NACC2: variants seen among roughly 807,000 people sequenced by gnomAD.
The protein encoded by NACC2 is nucleus accumbens-associated protein 2.
NACC2 carries 8 observed loss-of-function variants against 25.1 expected under a neutral mutation model. The ratio of observed to expected loss-of-function variants is 0.32; its 90% CI spans 0.19 to 0.57. The LOEUF (loss-of-function observed/expected upper bound fraction) is 0.57. Ranked by LOEUF, NACC2 falls within the 20% of genes least tolerant of loss-of-function variation. The pLI, the probability that NACC2 is intolerant of heterozygous loss-of-function variation, is 0.89. For synonymous variants in NACC2, 435 were observed against 294.7 expected (o/e 1.48, Z -4.88); for missense variants, 644 against 650.2 (o/e 0.99, Z 0.10).
intron 2 of NACC2, among the ~76,000 whole-genome samples, chr9:136,028,685 G>A (rs1840432605): frequency 2.0e-5 from 3 of 152,180 alleles, no homozygotes; most frequent in South Asian, 2.1e-4. Context: ...CCTCCCAGGC[G>A]CAGCTGCAGT....
In NACC2 at chr9:136,022,898, C is replaced by G. The variant is rs896706136; in HGVS notation, c.887-6469G>C. 9.8e-4 allele frequency among the ~76,000 whole-genome samples: 128 copies of G among 130,578 alleles called. 1 individual carries two copies. Among genetic ancestry groups the G allele is most frequent in the African/African-American group, 4.0e-3 (124 of 31,104 alleles). 85.7% of individuals were successfully genotyped at this position (130,578 alleles called of 152,430 possible). On this transcript the variant is annotated intron_variant, in intron 2 of 5. Coordinates refer to ENST00000277554, the MANE Select transcript of NACC2 (RefSeq NM_144653.5). The surrounding 1 kb of genome is among the most constrained non-coding windows in gnomAD (Gnocchi z 4.4). ...GAAGGCAAACCATCACCAATTACCA[C>G]GCCATGCCACGCCACACCGTGCCTG... is the stretch of plus-strand genomic sequence containing the variant.
In NACC2 at chr9:136,024,095, G is replaced by C. The variant is rs181969795; in HGVS notation, c.887-7666C>G. On this transcript the variant is annotated intron_variant, in intron 2 of 5. Coordinates refer to ENST00000277554, the MANE Select transcript of NACC2 (RefSeq NM_144653.5). ...CCAGAGTGTGAGTGAGGGCCAGAGTGTGTGTGTGTGTGGGTGAGGACAGAG... is the reference window on the plus strand; with the variant it reads ...CCAGAGTGTGAGTGAGGGCCAGAGTCTGTGTGTGTGTGGGTGAGGACAGAG... Among the ~76,000 whole-genome samples the C allele has an allele frequency of 4.4e-4, 66 of 151,416 alleles. 1 individual carries two copies. The East Asian group carries it at 0.012, about 28-fold the overall frequency.
rs1391300825 is a variant in NACC2, at chr9:136,074,385, G to A, written c.-60+20804C>T. Among the ~76,000 whole-genome samples the A allele has an allele frequency of 5.5e-5, 8 of 144,240 alleles. No individual in the cohort carries two copies. In the East Asian group the frequency reaches 6.1e-4, roughly 11 times the overall value. 94.6% of individuals were successfully genotyped at this position (144,240 alleles called of 152,430 possible). A position where few individuals can be genotyped will look rare whatever the true frequency, so the allele number is the denominator to read the frequency against. ...GGAGAATGGAGTGAACCCGGGAGGC[G>A]GAGCTTGCAGTGAGCCGAGGTTGTG... On this transcript the variant is annotated intron_variant, in intron 1 of 5. Coordinates refer to ENST00000277554, the MANE Select transcript of NACC2 (RefSeq NM_144653.5).
chr9:136,058,474 C>T (rs1440260998), intron 1 of NACC2, among the ~76,000 whole-genome samples: 2 of 152,204 alleles, frequency 1.3e-5, no homozygotes, highest in African/African-American at 2.4e-5. Context: ...CATATTTTAC[C>T]CTCTGGACAT....
At chr9:136,045,487 T>C (rs922275191) in intron 2 of NACC2, among the ~76,000 whole-genome samples, 2 of 151,866 alleles carry the variant, frequency 1.3e-5, no homozygotes, top group African/African-American at 2.4e-5. Context: ...ATCTGCCAGC[T>C]GCAATTAAAC....
chr9:136,013,962 C>A lies in NACC2; in HGVS notation c.1059G>T (p.Gly353=), dbSNP rs763579786. The change falls in exon 4 of 6, where the codon GGG becomes GGT. Residue 353 remains glycine, a synonymous_variant. Coordinates refer to ENST00000277554, the MANE Select transcript of NACC2 (RefSeq NM_144653.5). This position sits in a 1 kb window ranked among gnomAD's most constrained non-coding sequence, Gnocchi z 6.6. ...TCAGCTGGCCGCGTGTGATGTAGAC[C>A]CCAGAGCCTGCAGCCACCAAACAGA... ...GEKLELVAGS[G]VYITRGQLMN... 3.7e-6 allele frequency: 6 copies of A among 1,611,912 alleles called. No homozygotes were observed. The highest frequency in any genetic ancestry group is 5.1e-6 in the Non-Finnish European group (6 of 1,179,544).
Position 136,048,922 on chromosome 9 carries a change from G to A in NACC2, c.886+714C>T, listed in dbSNP as rs547688305. On this transcript the variant is annotated intron_variant, in intron 2 of 5. Coordinates refer to ENST00000277554, the MANE Select transcript of NACC2 (RefSeq NM_144653.5). ...ATGCACCCGCACCCAGGCCCAGGCC[G>A]CTGCACACAGGCCCTGCATGCAGAC... Among the ~76,000 whole-genome samples, 29 of 152,364 alleles carry A rather than the reference G, an allele frequency of 1.9e-4. No homozygotes were observed. The East Asian group carries it at 4.2e-3, about 22-fold the overall frequency.
chr9:136,084,163 G>C lies in NACC2; in HGVS notation c.-60+11026C>G, dbSNP rs901580856. The stretch of plus-strand genomic sequence containing the variant: ...AGCCAGGAGGGGACCCGTCTTTCCA[G>C]GAGCAGTGGGTTCCGATGAGACCCT... On this transcript the variant is annotated intron_variant, in intron 1 of 5. Transcript: ENST00000277554. The surrounding 1 kb of genome is among the most constrained non-coding windows in gnomAD (Gnocchi z 5.1). Among the ~76,000 whole-genome samples, 2 of 152,078 alleles carry C rather than the reference G, an allele frequency of 1.3e-5. No homozygotes were observed. The highest frequency in any genetic ancestry group is 1.3e-4 in the Admixed American group (2 of 15,280).
At chr9:136,054,004 A>G (rs1475596804) in intron 1 of NACC2, among the ~76,000 whole-genome samples, 1 of 152,186 alleles carries the variant, frequency 6.6e-6, no homozygotes, top group Non-Finnish European at 1.5e-5. Flanking sequence ...ACTTCCTGTA[A>G]GGACACCTCA....
chr9:136,044,777 G>A (rs936827859), intron 2 of NACC2, among the ~76,000 whole-genome samples: 54 of 152,328 alleles, frequency 3.5e-4, no homozygotes, highest in Non-Finnish European at 6.3e-4. Flanking sequence ...CTCCCCGACC[G>A]GGCAGGTGTA....
At chr9:136,066,946 TTAAAAA>T (rs1841090898) in intron 1 of NACC2, among the ~76,000 whole-genome samples, 1 of 139,764 alleles carries the variant, frequency 7.2e-6, no homozygotes, top group African/African-American at 2.9e-5. Flanking sequence ...TTTAAAAAGA[TTAAAAA>T]AAAAAAAAAA....
At chr9:136,039,070 T>C (rs1840593924) in intron 2 of NACC2, among the ~76,000 whole-genome samples, 1 of 152,312 alleles carries the variant, frequency 6.6e-6, no homozygotes, top group South Asian at 2.1e-4. Context: ...CCCAACCATA[T>C]GCCGTCTCTA....
At chr9:136,068,987 G>T (rs151013764) in intron 1 of NACC2, among the ~76,000 whole-genome samples, 3 of 149,860 alleles carry the variant, frequency 2.0e-5, no homozygotes, top group Non-Finnish European at 2.9e-5. Context: ...GCACAATCTC[G>T]GCTCTGTCTC....
intron 2 of NACC2, among the ~76,000 whole-genome samples, chr9:136,043,574 T>C (rs1840679065): frequency 6.6e-6 from 1 of 152,142 alleles, no homozygotes; most frequent in South Asian, 2.1e-4. Flanking sequence ...ACAGAAACCA[T>C]GACACACGGA....
chr9:136,064,580 A>G (rs1327109842), intron 1 of NACC2, among the ~76,000 whole-genome samples: 6 of 152,216 alleles, frequency 3.9e-5, no homozygotes, highest in Non-Finnish European at 7.3e-5. Context: ...ATCCATATTC[A>G]TGGGATGGGA....
At chr9:136,064,896 T>C (rs372014780) in intron 1 of NACC2, among the ~76,000 whole-genome samples, 2 of 152,190 alleles carry the variant, frequency 1.3e-5, no homozygotes, top group South Asian at 2.1e-4. Context: ...AGTCTACAAA[T>C]GTATTCATGT....
intron 1 of NACC2, among the ~76,000 whole-genome samples, chr9:136,052,435 G>A (rs1348966362): frequency 6.7e-5 from 10 of 149,712 alleles, no homozygotes; most frequent in African/African-American, 2.5e-4. Context: ...GGGCAGAGGC[G>A]CCAGGGGGAG....
chr9:136,090,252 C>T (rs904754712), intron 1 of NACC2, among the ~76,000 whole-genome samples: 2 of 152,194 alleles, frequency 1.3e-5, no homozygotes, highest in African/African-American at 4.8e-5. Context: ...GAGGGGATGC[C>T]TCAGGGGTCC....
rs146074020 is a variant in NACC2 at position 136,030,239 on chromosome 9, C to A, written c.887-13810G>T. ...CCCCATCCTTAGTTTGCAGGCTGTA[C>A]AAAAACAGGACACGGGACAGATCTG... On this transcript the variant is annotated intron_variant, in intron 2 of 5. Coordinates refer to ENST00000277554, the MANE Select transcript of NACC2 (RefSeq NM_144653.5). Among the ~76,000 whole-genome samples, 1,478 of 152,118 alleles carry A rather than the reference C, an allele frequency of 9.7e-3. 13 individuals carry two copies. Among genetic ancestry groups the A allele is most frequent in the Non-Finnish European group, 0.012 (811 of 67,960 alleles).
Sources: gnomAD v4.1 joint callset for allele counts (sites outside exome capture counted in the v4.1 genomes callset) on GRCh38, gnomAD v4.1.1 for gene constraint, Gnocchi (gnomAD v3.1) non-coding constraint, MANE v1.5 for transcripts, NCBI Gene and HGNC (gene_info 2026-07-23, HGNC 2026-07-21) for gene names.